The following SYT2 variants were observed in gnomAD, a reference collection of about 807,000 sequenced individuals.
SYT2 encodes synaptotagmin-2.
A neutral mutation model predicts 39.9 loss-of-function variants in SYT2; 15 were observed. The ratio of observed to expected loss-of-function variants is 0.38; its 90% confidence interval spans 0.25 to 0.58. SYT2 has a LOEUF of 0.58. SYT2 is among the 20% of genes least tolerant of loss of function. SYT2 has a pLI of 0.70. For missense variants in SYT2, 389 were observed against 530.3 expected, an observed-to-expected ratio of 0.73 and a Z score of 2.62; for synonymous variants, 181 against 204.5, an observed-to-expected ratio of 0.89 and a Z score of 0.98.
At chr1:202,641,522 G>T (rs1471900611) in intron 1 of SYT2, among the ~76,000 whole-genome samples, 2 of 152,338 alleles carry the variant, frequency 1.3e-5, no homozygotes, top group African/African-American at 4.8e-5. Flanking sequence ...CTCAAACTGG[G>T]ACTCGTCCGC....
rs554268469 is a variant in SYT2 at position 202,670,538 on chromosome 1, G to A, written c.-18+39720C>T. Reference sequence around the variant, plus strand: ...AAATGTCTAGAAAAATGAAGGGGGAGGGGGAAGAGGAGCACAACTCCACTG... The same window carrying A: ...AAATGTCTAGAAAAATGAAGGGGGAAGGGGAAGAGGAGCACAACTCCACTG... On this transcript the variant is annotated intron_variant, in intron 1 of 8. Transcript: ENST00000367268. 5.9e-5 allele frequency among the ~76,000 whole-genome samples: 9 copies of A among 152,266 alleles called. No homozygotes were observed. In the East Asian group the frequency reaches 1.5e-3, roughly 26 times the overall value.
At position 202,695,004 on chromosome 1, in the gene SYT2, T is replaced by C. The variant is rs147841156; in HGVS notation, c.-18+15254A>G. Among the ~76,000 whole-genome samples the C allele has an allele frequency of 4.9e-3, 752 of 152,266 alleles. 7 individuals carry two copies. Among genetic ancestry groups the C allele is most frequent in the Non-Finnish European group, 7.3e-3 (495 of 68,006 alleles). ...GCGGAAGGTCTCACCCCCTGCTTGG[T>C]CTTTTGTTACAATATCTAACCATAT... On this transcript the variant is annotated intron_variant, in intron 1 of 8. Transcript: ENST00000367268.
chr1:202,631,270 C>A (rs1478398540), intron 1 of SYT2, among the ~76,000 whole-genome samples: 2 of 152,136 alleles, frequency 1.3e-5, no homozygotes, highest in Non-Finnish European at 2.9e-5. Context: ...CAGATGACCC[C>A]TGCTTGGAGC....
chr1:202,686,550 G>T (rs1653673756), intron 1 of SYT2, among the ~76,000 whole-genome samples: 1 of 152,074 alleles, frequency 6.6e-6, no homozygotes, highest in Non-Finnish European at 1.5e-5. Flanking sequence ...GATAATGGGG[G>T]GTGGGGGAGC....
At chr1:202,691,705 GA>G (rs2149117322) in intron 1 of SYT2, among the ~76,000 whole-genome samples, 1 of 56,788 alleles carries the variant, frequency 1.8e-5, no homozygotes, top group East Asian at 6.2e-4. Context: ...GAGGGAGAGG[GA>G]GAGGGAGAGG....
rs1260227419 is a variant in SYT2, at chr1:202,628,974, C to T, written c.-17-23185G>A. ...GGGAATGATAATGGAAGCTGCTGCG[C>T]AGGGCTGCGAGGCTTAGGAGCACTG... On this transcript the variant is annotated intron_variant, in intron 1 of 8. Transcript: ENST00000367268. This position sits in a 1 kb window ranked among gnomAD's most constrained non-coding sequence, Gnocchi z 4.2. Among the ~76,000 whole-genome samples, 1 of 152,190 alleles carries T rather than the reference C, an allele frequency of 6.6e-6. No homozygotes were observed. The highest frequency in any genetic ancestry group is 2.4e-5 in the African/African-American group (1 of 41,444).
chr1:202,608,341 G>A (rs1690776201), intron 1 of SYT2, among the ~76,000 whole-genome samples: 1 of 150,496 alleles, frequency 6.6e-6, no homozygotes, highest in Non-Finnish European at 1.5e-5. Flanking sequence ...GTGCAGTGGT[G>A]CAACCACTTA....
chr1:202,633,292 A>G (rs1374890435), intron 1 of SYT2, among the ~76,000 whole-genome samples: 2 of 152,170 alleles, frequency 1.3e-5, no homozygotes, highest in African/African-American at 4.8e-5. Context: ...CAAGCCTCCA[A>G]AGACGGCTGG....
chr1:202,595,207 A>C lies in SYT2; in HGVS notation c.*1550T>G, dbSNP rs1432562815. ...TCTGTTGTCCAGGCTGAAGGATTGG[A>C]AGAAGACTCAGTGCAAACCTGACTA... is the stretch of plus-strand genomic sequence containing the variant. On this transcript the variant is annotated 3_prime_UTR_variant, in exon 9 of 9. Transcript: ENST00000367268. 1.3e-5 allele frequency: 2 copies of C among 152,270 alleles called. No individual in the cohort carries two copies. Among genetic ancestry groups the C allele is most frequent in the African/African-American group, 4.8e-5 (2 of 41,452 alleles). 9.4% of individuals were successfully genotyped at this position (152,270 alleles called of 1,614,324 possible). A position where few individuals can be genotyped will look rare whatever the true frequency, so the allele number is the denominator to read the frequency against.
chr1:202,685,990 A>G (rs1653655954), intron 1 of SYT2, among the ~76,000 whole-genome samples: 1 of 152,118 alleles, frequency 6.6e-6, no homozygotes, highest in Non-Finnish European at 1.5e-5. Context: ...CCCCCAGGGT[A>G]GGGGCAAGCA....
chr1:202,665,114 C>G (rs1271823897), intron 1 of SYT2, among the ~76,000 whole-genome samples: 2 of 152,306 alleles, frequency 1.3e-5, no homozygotes, highest in African/African-American at 4.8e-5. Context: ...TCTGCTCTTA[C>G]TCTTCCTACA....
intron 1 of SYT2, chr1:202,643,367 G>T (rs6675593): frequency 2.0e-5 from 3 of 152,800 alleles, no homozygotes; most frequent in South Asian, 1.9e-4. Flanking sequence ...CCGAAGTCCA[G>T]GTCCCTCTTC....
chr1:202,597,908 C>T (rs1690357592), intron 8 of SYT2, among the ~76,000 whole-genome samples: 1 of 152,146 alleles, frequency 6.6e-6, no homozygotes, highest in African/African-American at 2.4e-5. Flanking sequence ...GCTGAATGCT[C>T]GATGCCTTTT....
At chr1:202,699,563 CT>C in intron 1 of SYT2, among the ~76,000 whole-genome samples, 1 of 152,270 alleles carries the variant, frequency 6.6e-6, no homozygotes, top group Middle Eastern at 3.4e-3. Context: ...CTATTTTTCT[CT>C]GTAAATAGGG....
intron 1 of SYT2, among the ~76,000 whole-genome samples, chr1:202,704,110 T>C (rs1308999760): frequency 6.6e-6 from 1 of 152,174 alleles, no homozygotes; most frequent in African/African-American, 2.4e-5. Context: ...CTTGGGCTTC[T>C]AGTTTCTCTG....
intron 1 of SYT2, among the ~76,000 whole-genome samples, chr1:202,629,870 G>GC (rs955223177): frequency 3.2e-5 from 4 of 123,396 alleles, no homozygotes; most frequent in Admixed American, 8.1e-5. Flanking sequence ...CAGCTGGTGG[G>GC]GGGGGGGGGG....
chr1:202,690,119 C>T (rs1185330954), intron 1 of SYT2, among the ~76,000 whole-genome samples: 1 of 152,134 alleles, frequency 6.6e-6, no homozygotes, highest in African/African-American at 2.4e-5. Context: ...CACTCTGCCT[C>T]CACTCCCCCT....
At chr1:202,598,699 C>G (rs1277719149) in intron 8 of SYT2, among the ~76,000 whole-genome samples, 1 of 152,168 alleles carries the variant, frequency 6.6e-6, no homozygotes, top group East Asian at 1.9e-4. Context: ...ATGGTGAAAA[C>G]CAGACCTCAT....
rs529236530 is a variant in SYT2 at position 202,598,841 on chromosome 1, C to G, written c.1053+377G>C. Among the ~76,000 whole-genome samples the G allele has an allele frequency of 2.0e-5, 3 of 152,258 alleles. No homozygotes were observed. The South Asian group carries it at 6.2e-4, about 32-fold the overall frequency. ...GACCTAGAGAGCAGTGGAAGTGGGG[C>G]AGGGATGGCCAAGACAGGATGTGGC... On this transcript the variant is annotated intron_variant, in intron 8 of 8. Transcript: ENST00000367268.
Sources: allele counts gnomAD v4.1 joint callset (sites outside exome capture counted in the v4.1 genomes callset), GRCh38; gene constraint gnomAD v4.1.1; non-coding constraint Gnocchi (gnomAD v3.1); transcripts MANE v1.5; gene names NCBI Gene and HGNC (gene_info 2026-07-23, HGNC 2026-07-21).